The following ZDHHC14 variants were observed in gnomAD, a reference collection of about 807,000 sequenced individuals.
ZDHHC14 encodes zDHHC palmitoyltransferase 14, also known as palmitoyltransferase ZDHHC14.
Under a neutral mutation model 47.7 loss-of-function variants are expected in ZDHHC14, and 16 were observed. That is an observed-to-expected ratio of 0.34 (90% CI 0.23 to 0.51). ZDHHC14 has a LOEUF of 0.51. Ranked by LOEUF, ZDHHC14 falls within the 20% of genes least tolerant of loss-of-function variation. The pLI is 0.97. For missense variants in ZDHHC14, 515 were observed against 662.5 expected (o/e 0.78, Z 2.44); for synonymous variants, 293 against 278.9 (o/e 1.05, Z -0.50).
At chr6:157,529,751 T>C (rs1173314084) in intron 1 of ZDHHC14, among the ~76,000 whole-genome samples, 3 of 152,226 alleles carry the variant, frequency 2.0e-5, no homozygotes, top group East Asian at 3.8e-4. Context: ...GCTGTTATTG[T>C]ATTCCACTAA....
chr6:157,648,919 A>G, intron 7 of ZDHHC14, among the ~76,000 whole-genome samples: 1 of 152,164 alleles, frequency 6.6e-6, no homozygotes, highest in East Asian at 1.9e-4. Flanking sequence ...GTGTGGGTCT[A>G]AGAGAGGATG....
intron 5 of ZDHHC14, among the ~76,000 whole-genome samples, chr6:157,634,741 C>T (rs982093484): frequency 5.9e-5 from 9 of 152,232 alleles, no homozygotes; most frequent in Non-Finnish European, 1.2e-4. Context: ...CTGTGCCTCC[C>T]TGAAACCCTG....
chr6:157,653,545 A>G lies in ZDHHC14; in HGVS notation c.986A>G (p.Tyr329Cys). 1 of 1,613,860 alleles carries G rather than the reference A, an allele frequency of 6.2e-7. No homozygotes were observed. The highest frequency in any genetic ancestry group is 8.5e-7 in the Non-Finnish European group (1 of 1,179,940). The change falls in exon 8 of 9, where the codon TAC becomes TGC. Residue 329 changes from tyrosine (Y) to cysteine (C), a missense_variant. By Grantham distance (194) the Tyr-to-Cys change is radical. Transcript: ENST00000359775. Reference protein sequence around the residue: ...ISPSLIDRRGYIQPDTPQPAA... With the variant: ...ISPSLIDRRGCIQPDTPQPAA... ...CGCAGCCTGATCGACAGAAGAGGGT[A>G]CATCCAGCCCGACACGCCGCAGCCA...
intron 2 of ZDHHC14, among the ~76,000 whole-genome samples, chr6:157,547,306 G>A (rs1287497844): frequency 6.6e-6 from 1 of 152,140 alleles, no homozygotes; most frequent in Non-Finnish European, 1.5e-5. Context: ...ACTTTACTAA[G>A]AGTAAAGCTT....
At chr6:157,624,773 G>A (rs111909990) in intron 3 of ZDHHC14, among the ~76,000 whole-genome samples, 5,004 of 152,278 alleles carry the variant, frequency 0.033, 296 homozygotes, top group African/African-American at 0.11. Context: ...ATGTGTGTTA[G>A]GCTTAGAGTA....
At chr6:157,391,565 T>A (rs1777419713) in intron 1 of ZDHHC14, among the ~76,000 whole-genome samples, 1 of 152,222 alleles carries the variant, frequency 6.6e-6, no homozygotes, top group South Asian at 2.1e-4. Context: ...TGGCTAGGCC[T>A]CCTTGGAATC....
intron 5 of ZDHHC14, among the ~76,000 whole-genome samples, chr6:157,641,182 T>G (rs676406): frequency 0.41 from 61,777 of 152,064 alleles, 14,248 homozygotes; most frequent in Non-Finnish European, 0.52. Flanking sequence ...TTTTTTACTG[T>G]TCAAGAAATG....
rs374040288 is a variant in ZDHHC14, at chr6:157,672,841, G to A, written c.1186G>A (p.Gly396Ser). 1.1e-5 allele frequency: 17 copies of A among 1,611,176 alleles called. No individual in the cohort carries two copies. The highest frequency in any genetic ancestry group is 1.4e-5 in the Non-Finnish European group (17 of 1,179,322). Residue 396 changes from glycine to serine, a missense_variant, in exon 9 of 9, where the codon GGC becomes AGC. Physicochemically the swap from Gly to Ser is moderately conservative, Grantham distance 56. Around this residue, in one of 4 missense-constraint regions of ZDHHC14, gnomAD observed 221 missense variants for 233.6 expected, o/e 0.95. Transcript: ENST00000359775. Reference sequence around the variant, plus strand: ...CGAGCTGCACCTGCCCGGGAAGCCTGGCCTGGGCACGCCCTGCGCCAGCCT... The same window carrying A: ...CGAGCTGCACCTGCCCGGGAAGCCTAGCCTGGGCACGCCCTGCGCCAGCCT... ...SDELHLPGKP[G>S]LGTPCASLTL... is the part of the protein sequence containing the mutation.
intron 1 of ZDHHC14, among the ~76,000 whole-genome samples, chr6:157,528,250 A>G (rs1426930933): frequency 6.6e-6 from 1 of 152,206 alleles, no homozygotes; most frequent in Non-Finnish European, 1.5e-5. Flanking sequence ...GTCCTCAGGA[A>G]TACTTCTGTT....
rs541182304 is a variant in ZDHHC14, at chr6:157,484,612, T to C, written c.246-57973T>C. Among the ~76,000 whole-genome samples, 14 of 151,816 alleles carry C rather than the reference T, an allele frequency of 9.2e-5. No homozygotes were observed. The East Asian group carries it at 2.7e-3, about 29-fold the overall frequency. On this transcript the variant is annotated intron_variant, in intron 1 of 8. Transcript: ENST00000359775. Reference sequence around the variant, plus strand: ...GGGGAAAAAAAACCAGTTTTTCCTCTAATATTTTACAAAGAAATAATCCTT... The same window carrying C: ...GGGGAAAAAAAACCAGTTTTTCCTCCAATATTTTACAAAGAAATAATCCTT...
chr6:157,591,313 G>C (rs111797524), intron 2 of ZDHHC14, among the ~76,000 whole-genome samples: 8 of 152,190 alleles, frequency 5.3e-5, no homozygotes, highest in African/African-American at 1.7e-4. Context: ...ATCTCATCTT[G>C]AGTTGTGGTT....
At chr6:157,619,243 T>C (rs1785085609) in intron 3 of ZDHHC14, among the ~76,000 whole-genome samples, 1 of 150,976 alleles carries the variant, frequency 6.6e-6, no homozygotes, top group African/African-American at 2.4e-5. Flanking sequence ...AAAAAAATCA[T>C]AGCCGGGCAT....
chr6:157,432,432 C>T (rs933406203), intron 1 of ZDHHC14, among the ~76,000 whole-genome samples: 1 of 152,072 alleles, frequency 6.6e-6, no homozygotes, highest in African/African-American at 2.4e-5. Context: ...AGCTTACTAG[C>T]AGGTGTGGTT....
intron 3 of ZDHHC14, among the ~76,000 whole-genome samples, chr6:157,627,639 A>G (rs1482875433): frequency 2.6e-5 from 4 of 152,240 alleles, no homozygotes; most frequent in Non-Finnish European, 5.9e-5. Context: ...CAGAGGCGGC[A>G]TGGACAGTAA....
At chr6:157,453,788 T>TTTTTTGTGTGTGTGTGTGTGTG (rs3220439) in intron 1 of ZDHHC14, among the ~76,000 whole-genome samples, 133 of 148,196 alleles carry the variant, frequency 9.0e-4, no homozygotes, top group African/African-American at 3.0e-3. Flanking sequence ...TTTTTGTGTT[T>TTTTTTGTGTGTGTGTGTGTGTG]TGTGTGTGTG....
chr6:157,528,828 C>A (rs1398613692), intron 1 of ZDHHC14, among the ~76,000 whole-genome samples: 3 of 133,362 alleles, frequency 2.2e-5, no homozygotes, highest in African/African-American at 8.7e-5. Flanking sequence ...TAAAAAAGCA[C>A]AATTAGATGA....
chr6:157,419,403 T>C (rs1324441388), intron 1 of ZDHHC14, among the ~76,000 whole-genome samples: 1 of 152,218 alleles, frequency 6.6e-6, no homozygotes, highest in Non-Finnish European at 1.5e-5. Context: ...CAAAAAAGCC[T>C]TCTAAATTCC....
At chr6:157,531,811 C>T (rs1781379490) in intron 1 of ZDHHC14, among the ~76,000 whole-genome samples, 1 of 152,240 alleles carries the variant, frequency 6.6e-6, no homozygotes, top group South Asian at 2.1e-4. Flanking sequence ...CTTTCCAAGA[C>T]TCAAATGTGC....
At chr6:157,579,036 T>G (rs1783410828) in intron 2 of ZDHHC14, among the ~76,000 whole-genome samples, 1 of 152,186 alleles carries the variant, frequency 6.6e-6, no homozygotes, top group Admixed American at 6.5e-5. Flanking sequence ...TTGCTTAGGA[T>G]TGCCTTGGCT....
Sources: allele counts gnomAD v4.1 joint callset (sites outside exome capture counted in the v4.1 genomes callset), GRCh38; gene constraint gnomAD v4.1.1; regional missense constraint gnomAD v4.1.1; transcripts MANE v1.5; gene names NCBI Gene and HGNC (gene_info 2026-07-23, HGNC 2026-07-21).